USH2A: variants seen among roughly 807,000 people sequenced by gnomAD.
USH2A encodes usherin, also known as Usher syndrome 2A (autosomal recessive, mild).
A neutral mutation model predicts 538.9 loss-of-function variants in USH2A; 443 were observed. The observed-to-expected ratio is 0.82, with a 90% CI of 0.76 to 0.89. The LOEUF (loss-of-function observed/expected upper bound fraction) is 0.89, where lower values mean the gene tolerates loss of function less well. USH2A is among the 40% of genes least tolerant of loss of function. USH2A has a pLI of 0.00. For synonymous variants in USH2A, 2,413 were observed against 2,273.5 expected, an observed-to-expected ratio of 1.06 and a Z score of -1.75; for missense variants, 6,633 against 6,324.8, an observed-to-expected ratio of 1.05 and a Z score of -1.65.
At chr1:216,014,113 A>G (rs988766491) in intron 32 of USH2A, among the ~76,000 whole-genome samples, 31 of 152,014 alleles carry the variant, frequency 2.0e-4, no homozygotes, top group Non-Finnish European at 4.4e-4. Context: ...AGAGAACCTA[A>G]TTTGACATGT....
intron 52 of USH2A, among the ~76,000 whole-genome samples, chr1:215,786,340 T>C (rs1371680978): frequency 6.6e-6 from 1 of 152,184 alleles, no homozygotes; most frequent in Non-Finnish European, 1.5e-5. Context: ...ATGCATTCAG[T>C]GGAAGCTGCA....
intron 58 of USH2A, among the ~76,000 whole-genome samples, chr1:215,744,134 G>C (rs1277055585): frequency 6.6e-6 from 1 of 152,262 alleles, no homozygotes; most frequent in East Asian, 1.9e-4. Context: ...GTAGAGCATT[G>C]TGTATGCCTC....
chr1:216,202,743 A>T (rs2035027494), intron 16 of USH2A, among the ~76,000 whole-genome samples: 1 of 152,140 alleles, frequency 6.6e-6, no homozygotes, highest in African/African-American at 2.4e-5. Context: ...TTTTAATACA[A>T]AATTTATTTC....
chr1:216,188,218 G>T (rs1325496532), intron 20 of USH2A, among the ~76,000 whole-genome samples: 1 of 151,670 alleles, frequency 6.6e-6, no homozygotes, highest in Non-Finnish European at 1.5e-5. Flanking sequence ...TGCAACCAAT[G>T]AGGATACTAT....
At chr1:215,767,820 G>C (rs1174156608) in intron 55 of USH2A, among the ~76,000 whole-genome samples, 1 of 152,106 alleles carries the variant, frequency 6.6e-6, no homozygotes, top group Admixed American at 6.6e-5. Flanking sequence ...TTAAAGCTCA[G>C]CAGCATTCAA....
chr1:216,391,912 A>G (rs1362372981), intron 3 of USH2A, among the ~76,000 whole-genome samples: 2 of 152,126 alleles, frequency 1.3e-5, no homozygotes, highest in Non-Finnish European at 2.9e-5. Context: ...ACATGTGTTG[A>G]GTTCCAAACT....
At chr1:216,167,980 C>G (rs1194299967) in intron 21 of USH2A, among the ~76,000 whole-genome samples, 7 of 152,130 alleles carry the variant, frequency 4.6e-5, no homozygotes, top group Admixed American at 4.6e-4. Flanking sequence ...TCCTCTCTAT[C>G]TGAATAGAAA....
Position 216,334,971 on chromosome 1 carries a change from A to T in USH2A, c.785-7317T>A, listed in dbSNP as rs143756817. 4.0e-4 allele frequency among the ~76,000 whole-genome samples: 61 copies of T among 151,966 alleles called. 1 individual carries two copies. In the East Asian group the frequency reaches 0.012, roughly 29 times the overall value. On this transcript the variant is annotated intron_variant, in intron 4 of 71. Coordinates refer to ENST00000307340, the MANE Select transcript of USH2A (RefSeq NM_206933.4). ...ATTAGACTTAATAGACACCAACAGA[A>T]CACTCCACCCAACAACAACAGAATA...
chr1:216,196,857 A>C, intron 18 of USH2A, 135 bp from the exon 19 acceptor site: 1 of 1,061,922 alleles, frequency 9.4e-7, no homozygotes, highest in Non-Finnish European at 1.4e-6. Context: ...AAAAAGTCCA[A>C]GAATATGCTG....
At chr1:215,869,288 A>C (rs1664563133) in intron 43 of USH2A, among the ~76,000 whole-genome samples, 1 of 152,192 alleles carries the variant, frequency 6.6e-6, no homozygotes, top group East Asian at 1.9e-4. Context: ...CCATGATGCT[A>C]TACTGCCAAC....
chr1:216,380,920 A>G (rs1558063045), intron 3 of USH2A, among the ~76,000 whole-genome samples: 1 of 152,138 alleles, frequency 6.6e-6, no homozygotes, highest in Non-Finnish European at 1.5e-5. Flanking sequence ...ACATTATGTA[A>G]GAGATATTTT....
At chr1:215,654,022 C>T (rs1275065221) in intron 64 of USH2A, among the ~76,000 whole-genome samples, 6 of 151,880 alleles carry the variant, frequency 4.0e-5, no homozygotes. Flanking sequence ...GTGGGCTTCT[C>T]CTAGAAAAAT....
intron 55 of USH2A, among the ~76,000 whole-genome samples, chr1:215,774,250 C>G (rs1035649967): frequency 6.6e-6 from 1 of 152,006 alleles, no homozygotes; most frequent in African/African-American, 2.4e-5. Flanking sequence ...GTTATTAATT[C>G]TATATTTCAT....
At chr1:215,861,821 A>G (rs902657954) in intron 44 of USH2A, among the ~76,000 whole-genome samples, 1 of 150,090 alleles carries the variant, frequency 6.7e-6, no homozygotes, top group African/African-American at 2.5e-5. Context: ...ATGCCATGCA[A>G]TAGTTAGTAG....
chr1:215,904,447 C>T (rs955981940), intron 38 of USH2A, among the ~76,000 whole-genome samples: 3 of 152,060 alleles, frequency 2.0e-5, no homozygotes, highest in African/African-American at 4.8e-5. Context: ...TATAACTACT[C>T]ATTCTGTATG....
At chr1:215,637,839 A>C (rs74986664) in intron 69 of USH2A, among the ~76,000 whole-genome samples, 6,472 of 152,104 alleles carry the variant, frequency 0.043, 477 homozygotes, top group African/African-American at 0.14. Context: ...TCAAAAAAAA[A>C]CTCTATACAT....
At chr1:216,198,061 C>T (rs1214459616) in intron 18 of USH2A, among the ~76,000 whole-genome samples, 1 of 152,086 alleles carries the variant, frequency 6.6e-6, no homozygotes, top group Non-Finnish European at 1.5e-5. Context: ...AAGACTATAA[C>T]TATAGTTAAG....
intron 4 of USH2A, among the ~76,000 whole-genome samples, chr1:216,358,664 T>C (rs1268224377): frequency 6.6e-6 from 1 of 152,072 alleles, no homozygotes; most frequent in Non-Finnish European, 1.5e-5. Flanking sequence ...TACATATAAA[T>C]TGATAGAATA....
chr1:216,012,210 C>G (rs916874435), intron 32 of USH2A, among the ~76,000 whole-genome samples: 3 of 150,848 alleles, frequency 2.0e-5, no homozygotes, highest in Non-Finnish European at 3.0e-5. Context: ...TGCTACAGTA[C>G]AAGCCACTAG....
Sources: gnomAD v4.1 joint callset for allele counts (sites outside exome capture counted in the v4.1 genomes callset) on GRCh38, gnomAD v4.1.1 for gene constraint, MANE v1.5 for transcripts, NCBI Gene and HGNC (gene_info 2026-07-23, HGNC 2026-07-21) for gene names.